Variants in SORCS3 observed in about 807,000 individuals in gnomAD.
The protein encoded by SORCS3 is VPS10 domain-containing receptor SorCS3.
Under a neutral mutation model 146.3 loss-of-function variants are expected in SORCS3, and 57 were observed. The ratio of observed to expected loss-of-function variants is 0.39; its 90% CI spans 0.31 to 0.49. The LOEUF (loss-of-function observed/expected upper bound fraction) is 0.49. Among genes scored for constraint, SORCS3 ranks in the 20% least tolerant of loss-of-function variants. The probability of loss-of-function intolerance (pLI) is 0.92; values close to 1 mark genes in which losing one functional copy is unlikely to be tolerated. For synonymous variants in SORCS3, 653 were observed against 618.5 expected, an observed-to-expected ratio of 1.06 and a Z score of -0.83; for missense variants, 1,341 against 1,575.5, an observed-to-expected ratio of 0.85 and a Z score of 2.52.
At chr10:105,213,832 T>G (rs1480539173) in intron 17 of SORCS3, among the ~76,000 whole-genome samples, 1 of 151,156 alleles carries the variant, frequency 6.6e-6, no homozygotes, top group Non-Finnish European at 1.5e-5. Context: ...ATCTGGAGTT[T>G]ATGCTGAGTG....
At chr10:105,030,548 G>A (rs1239323959) in intron 4 of SORCS3, among the ~76,000 whole-genome samples, 3 of 152,052 alleles carry the variant, frequency 2.0e-5, no homozygotes, top group Non-Finnish European at 4.4e-5. Flanking sequence ...CTAGACTTAG[G>A]GGGTGAGGAA....
intron 19 of SORCS3, among the ~76,000 whole-genome samples, chr10:105,218,745 G>A (rs1426371805): frequency 3.3e-5 from 5 of 152,162 alleles, no homozygotes; most frequent in Non-Finnish European, 7.3e-5. Context: ...GGCTGGGCGC[G>A]GTGGCTCACG....
rs2119780079 is a variant in SORCS3, at chr10:105,263,503, A to G, written c.*129A>G. On this transcript the variant is annotated 3_prime_UTR_variant, in exon 27 of 27. Coordinates refer to ENST00000369701, the MANE Select transcript of SORCS3 (RefSeq NM_014978.3). ...TACCAAGGGCCCCTTCATAAATAGCAGGCAAATGCCTAGCTTTGGGAGAAA... is the reference window on the plus strand; with the variant it reads ...TACCAAGGGCCCCTTCATAAATAGCGGGCAAATGCCTAGCTTTGGGAGAAA... 2 of 819,182 alleles carry G rather than the reference A, an allele frequency of 2.4e-6. No individual in the cohort carries two copies. The highest frequency in any genetic ancestry group is 3.5e-5 in the South Asian group (2 of 56,684). 50.7% of individuals were successfully genotyped at this position (819,182 alleles called of 1,614,324 possible).
chr10:105,159,896 C>T (rs570382391), intron 11 of SORCS3, among the ~76,000 whole-genome samples: 1 of 152,290 alleles, frequency 6.6e-6, no homozygotes, highest in Admixed American at 6.5e-5. Context: ...GCTGGCATAG[C>T]CTTCTGGCAT....
chr10:104,688,658 C>T (rs2016077946), intron 1 of SORCS3, among the ~76,000 whole-genome samples: 1 of 152,092 alleles, frequency 6.6e-6, no homozygotes, highest in African/African-American at 2.4e-5. Context: ...CTCTTTTCTT[C>T]CTCCCCTATC....
At chr10:104,852,954 G>A (rs1046246056) in intron 2 of SORCS3, among the ~76,000 whole-genome samples, 10 of 152,152 alleles carry the variant, frequency 6.6e-5, no homozygotes, top group African/African-American at 2.2e-4. Flanking sequence ...GCCTTATGAG[G>A]GTCAGTTGGC....
At chr10:105,250,487 T>A (rs932540131) in intron 22 of SORCS3, among the ~76,000 whole-genome samples, 4 of 152,156 alleles carry the variant, frequency 2.6e-5, no homozygotes, top group African/African-American at 9.7e-5. Context: ...TCCCTTTGGA[T>A]GGGTTAAATG....
intron 1 of SORCS3, among the ~76,000 whole-genome samples, chr10:104,727,567 G>A (rs1273385674): frequency 6.9e-6 from 1 of 145,330 alleles, no homozygotes; most frequent in Non-Finnish European, 1.5e-5. Flanking sequence ...ATATATATAA[G>A]ATGCATACAC....
rs1019302060 is a variant in SORCS3, at chr10:105,032,670, A to G, written c.955-10385A>G. Among the ~76,000 whole-genome samples, 26 of 152,310 alleles carry G rather than the reference A, an allele frequency of 1.7e-4. No individual in the cohort carries two copies. In the East Asian group the frequency reaches 5.0e-3, roughly 29 times the overall value. ...TAGCTATTATTATTTTGATACTTAG[A>G]GATAGTAATTTAAATTAAATAAATG... is the stretch of plus-strand genomic sequence containing the variant. On this transcript the variant is annotated intron_variant, in intron 4 of 26. Transcript: ENST00000369701.
intron 1 of SORCS3, among the ~76,000 whole-genome samples, chr10:104,790,051 C>G (rs564252484): frequency 1.3e-5 from 2 of 152,206 alleles, no homozygotes; most frequent in African/African-American, 4.8e-5. Flanking sequence ...AGGACAAAAG[C>G]AGGAGAGCCT....
chr10:105,094,025 C>A (rs1005390209), intron 6 of SORCS3, among the ~76,000 whole-genome samples: 5 of 152,130 alleles, frequency 3.3e-5, no homozygotes, highest in African/African-American at 1.2e-4. Flanking sequence ...GGCACATCTA[C>A]AACATAGGAT....
At chr10:105,151,011 G>A (rs1009124109) in intron 9 of SORCS3, among the ~76,000 whole-genome samples, 3 of 152,158 alleles carry the variant, frequency 2.0e-5, no homozygotes, top group East Asian at 1.9e-4. Context: ...CTTTTATGGA[G>A]TGTATTTTGT....
intron 8 of SORCS3, among the ~76,000 whole-genome samples, chr10:105,143,297 G>A (rs1006265005): frequency 1.3e-5 from 2 of 151,952 alleles, no homozygotes; most frequent in African/African-American, 4.8e-5. Flanking sequence ...CTCTCTAAAT[G>A]TTGGTGTTCC....
At chr10:104,946,051 A>G (rs1288595923) in intron 3 of SORCS3, among the ~76,000 whole-genome samples, 2 of 152,026 alleles carry the variant, frequency 1.3e-5, no homozygotes, top group East Asian at 3.9e-4. Context: ...CATATCTGTA[A>G]AATGGGGATA....
At chr10:104,943,763 A>T (rs2019343314) in intron 3 of SORCS3, among the ~76,000 whole-genome samples, 1 of 152,202 alleles carries the variant, frequency 6.6e-6, no homozygotes, top group Non-Finnish European at 1.5e-5. Context: ...TAGGTAAGAG[A>T]ATCTTGGAAA....
chr10:105,167,489 G>A, intron 13 of SORCS3, 140 bp downstream of exon 13: 1 of 626,408 alleles, frequency 1.6e-6, no homozygotes, highest in South Asian at 2.1e-5. Flanking sequence ...CCATTTAATA[G>A]CCTTTACATC....
chr10:104,673,728 A>G (rs949094233), intron 1 of SORCS3, among the ~76,000 whole-genome samples: 2 of 152,172 alleles, frequency 1.3e-5, no homozygotes, highest in Non-Finnish European at 2.9e-5. Context: ...TTGAGACTAC[A>G]GGCATGAGCC....
At chr10:104,763,221 G>A (rs996869244) in intron 1 of SORCS3, among the ~76,000 whole-genome samples, 1 of 152,258 alleles carries the variant, frequency 6.6e-6, no homozygotes, top group African/African-American at 2.4e-5. Flanking sequence ...TGATTCTTAC[G>A]CATGCTAGAT....
chr10:105,124,749 C>G (rs1238293294), intron 7 of SORCS3, among the ~76,000 whole-genome samples: 2 of 152,164 alleles, frequency 1.3e-5, no homozygotes, highest in Non-Finnish European at 2.9e-5. Flanking sequence ...TCCCACCTCT[C>G]CCTCTAGCCT....
Sources: allele counts gnomAD v4.1 joint callset (sites outside exome capture counted in the v4.1 genomes callset), GRCh38; gene constraint gnomAD v4.1.1; transcripts MANE v1.5; gene names NCBI Gene and HGNC (gene_info 2026-07-23, HGNC 2026-07-21).